The following SLC43A2 variants were observed in gnomAD, a reference collection of about 807,000 sequenced individuals.
SLC43A2 encodes the protein large neutral amino acids transporter small subunit 4.
Under a neutral mutation model 63.2 loss-of-function variants are expected in SLC43A2, and 38 were observed. The ratio of observed to expected loss-of-function variants is 0.60; its 90% CI spans 0.46 to 0.79. The LOEUF (loss-of-function observed/expected upper bound fraction) is 0.79. SLC43A2 is among the 30% of genes least tolerant of loss of function. The pLI, the probability that SLC43A2 is intolerant of heterozygous loss-of-function variation, is 0.00. For synonymous variants in SLC43A2, 322 were observed against 331.0 expected (o/e 0.97, Z 0.30); for missense variants, 644 against 756.2 (o/e 0.85, Z 1.74).
intron 5 of SLC43A2, among the ~76,000 whole-genome samples, chr17:1,607,578 G>A (rs1906731475): frequency 6.6e-6 from 1 of 152,196 alleles, no homozygotes; most frequent in South Asian, 2.1e-4. Context: ...TAGAAGGAGA[G>A]CTGGCCCATG....
At chr17:1,598,071 T>G (rs543071451) in intron 5 of SLC43A2, among the ~76,000 whole-genome samples, 1 of 152,122 alleles carries the variant, frequency 6.6e-6, no homozygotes, top group East Asian at 1.9e-4. Context: ...GTTCTGCTTA[T>G]GCGGAAGGAG....
At chr17:1,586,930 C>CAGGG in intron 9 of SLC43A2, 7 of 783,144 alleles carry the variant, frequency 8.9e-6, no homozygotes, top group Non-Finnish European at 1.4e-5. Flanking sequence ...CCTGACAATC[C>CAGGG]CCCCCACCCC....
intron 5 of SLC43A2, among the ~76,000 whole-genome samples, chr17:1,597,822 G>T (rs974300249): frequency 1.3e-5 from 2 of 152,048 alleles, no homozygotes; most frequent in African/African-American, 4.8e-5. Flanking sequence ...AAAGAAAAAA[G>T]AAAAAGAAAA....
chr17:1,583,313 C>T lies in SLC43A2; in HGVS notation c.1241G>A (p.Arg414Gln), dbSNP rs771560664. ...ANQGEKKKKK[R>Q]DRQIQKITNA... Reference sequence around the variant, plus strand: ...AGTGATCTTCTGGATCTGCCGGTCCCGCTTCTTCTTTTTCTTCTCGCCTCT... The same window carrying T: ...AGTGATCTTCTGGATCTGCCGGTCCTGCTTCTTCTTTTTCTTCTCGCCTCT... Residue 414 changes from arginine to glutamine, a missense_variant, in exon 11 of 14, where the codon CGG becomes CAG. This residue lies in a region of SLC43A2 where 528 missense variants were observed against 623.6 expected (regional missense o/e 0.85). Transcript: ENST00000301335. This position sits in a 1 kb window ranked among gnomAD's most constrained non-coding sequence, Gnocchi z 5.5. 16 of 1,614,156 alleles carry T rather than the reference C, an allele frequency of 9.9e-6. No homozygotes were observed. Among genetic ancestry groups the T allele is most frequent in the Middle Eastern group, 1.7e-4 (1 of 6,058 alleles).
intron 3 of SLC43A2, 194 bp downstream of exon 3, chr17:1,616,368 G>A (rs8065481): frequency 0.65 from 379,370 of 582,792 alleles, 127,401 homozygotes; most frequent in Admixed American, 0.72. Flanking sequence ...TTTCTTATTC[G>A]GTACTGGAGC....
rs768556199 is a variant in SLC43A2 at position 1,583,384 on chromosome 17, G to A, written c.1218-48C>T. On this transcript the variant is annotated intron_variant, in intron 10 of 13. Coordinates refer to ENST00000301335, the MANE Select transcript of SLC43A2 (RefSeq NM_152346.3). The surrounding 1 kb of genome is among the most constrained non-coding windows in gnomAD (Gnocchi z 5.5). ...GGGGTGGGAGGGCTCCCCGGAGGAA[G>A]CCGGGTGCTCCTGAGAAGTCAGGCC... The A allele has an allele frequency of 6.2e-7, 1 of 1,604,270 alleles. No homozygotes were observed. The highest frequency in any genetic ancestry group is 8.5e-7 in the Non-Finnish European group (1 of 1,172,634).
chr17:1,585,100 G>A, intron 10 of SLC43A2: 1 of 926,000 alleles, frequency 1.1e-6, no homozygotes, highest in Non-Finnish European at 1.3e-6. Context: ...GTTAATCCCA[G>A]TACTTTGGGA....
At chr17:1,626,364 A>T (rs979542170) in intron 2 of SLC43A2, among the ~76,000 whole-genome samples, 4 of 152,138 alleles carry the variant, frequency 2.6e-5, no homozygotes, top group African/African-American at 9.7e-5. Context: ...TTGTTCAGGG[A>T]ACAAGGTCTG....
intron 5 of SLC43A2, among the ~76,000 whole-genome samples, chr17:1,594,696 T>C (rs1316728537): frequency 2.7e-5 from 4 of 147,862 alleles, no homozygotes; most frequent in Admixed American, 6.8e-5. Context: ...CACGCCATTC[T>C]CCTGCCTCAG....
intron 10 of SLC43A2, chr17:1,585,275 C>T (rs986489657): frequency 5.0e-6 from 5 of 1,005,464 alleles, no homozygotes; most frequent in Non-Finnish European, 6.0e-6. Context: ...CAGTCTTGCT[C>T]TGTTGCCCAG....
At chr17:1,579,415 A>C (rs12946255) in intron 11 of SLC43A2, among the ~76,000 whole-genome samples, 62,926 of 150,406 alleles carry the variant, frequency 0.42, 13,672 homozygotes, top group African/African-American at 0.48. Flanking sequence ...GAGCCGAGAT[A>C]GCACCACTGC....
At chr17:1,586,928 T>TCCCCC in intron 9 of SLC43A2, 1 of 1,232,914 alleles carries the variant, frequency 8.1e-7, no homozygotes. Context: ...TCCCTGACAA[T>TCCCCC]CCCCCCCACC....
Position 1,615,028 on chromosome 17 carries a change from G to A in SLC43A2, c.375C>T (p.Cys125=). The A allele has an allele frequency of 3.7e-6, 6 of 1,614,024 alleles. No homozygotes were observed. The highest frequency in any genetic ancestry group is 4.2e-6 in the Non-Finnish European group (5 of 1,179,976). ...PRKLRLLGSA[C]FAVSCLLIAY... is the part of the protein sequence containing the mutation. The stretch of plus-strand genomic sequence containing the variant: ...CAATCAGCAAGCAGGAAACCGCGAA[G>A]CAGGCGCTAAAACCAAGCAGAAACG... Residue 125 remains cysteine (C), a synonymous_variant, in exon 4 of 14, where the codon TGC becomes TGT. Transcript: ENST00000301335.
Position 1,606,599 on chromosome 17 carries a change from G to A in SLC43A2, c.501+6596C>T, listed in dbSNP as rs1567637107. ...AAGCAACCCAGGCTCCGGGTTGGAG[G>A]GTGGCGACCCCAAGATGCGGCCTCA... On this transcript the variant is annotated intron_variant, in intron 5 of 13. Transcript: ENST00000301335. This position sits in a 1 kb window ranked among gnomAD's most constrained non-coding sequence, Gnocchi z 4.7. 6.6e-6 allele frequency among the ~76,000 whole-genome samples: 1 copy of A among 152,206 alleles called. No individual in the cohort carries two copies. The highest frequency in any genetic ancestry group is 1.5e-5 in the Non-Finnish European group (1 of 68,034).
At chr17:1,616,043 G>GA (rs77735350) in intron 3 of SLC43A2, among the ~76,000 whole-genome samples, 810 of 69,938 alleles carry the variant, frequency 0.012, 12 homozygotes, top group African/African-American at 0.036. Flanking sequence ...ACTCCGTCTT[G>GA]AAAAAAAAAA....
chr17:1,596,991 C>T (rs545472955), intron 5 of SLC43A2, among the ~76,000 whole-genome samples: 3 of 151,984 alleles, frequency 2.0e-5, no homozygotes, highest in South Asian at 2.1e-4. Context: ...CCGAAGCGGG[C>T]GGATCACGAG....
intron 2 of SLC43A2, among the ~76,000 whole-genome samples, chr17:1,624,959 CG>C (rs1321273523): frequency 6.6e-6 from 1 of 152,086 alleles, no homozygotes; most frequent in African/African-American, 2.4e-5. Context: ...CCTGTTGAAG[CG>C]GGGGCCACTG....
Position 1,607,835 on chromosome 17 carries a change from C to A in SLC43A2, c.501+5360G>T, listed in dbSNP as rs529087267. On this transcript the variant is annotated intron_variant, in intron 5 of 13. Coordinates refer to ENST00000301335, the MANE Select transcript of SLC43A2 (RefSeq NM_152346.3). ...GGTTCAAGCAATTCTCCTGCCTCAG[C>A]CTCCTGAGTCGTGGGGACTACAGGC... is the stretch of plus-strand genomic sequence containing the variant. 7.2e-5 allele frequency among the ~76,000 whole-genome samples: 11 copies of A among 152,240 alleles called. No individual in the cohort carries two copies. In the South Asian group the frequency reaches 1.9e-3, roughly 26 times the overall value.
rs2075876815 is a variant in SLC43A2, at chr17:1,573,488, G to C, written c.*2116C>G. On this transcript the variant is annotated 3_prime_UTR_variant, in exon 14 of 14. Coordinates refer to ENST00000301335, the MANE Select transcript of SLC43A2 (RefSeq NM_152346.3). Reference sequence around the variant, plus strand: ...CGTTGGCAAAGTGCTGTCAGTGCTGGCTGTAAGGAAACAGGCTTGACTTTT... The same window carrying C: ...CGTTGGCAAAGTGCTGTCAGTGCTGCCTGTAAGGAAACAGGCTTGACTTTT... 6.6e-6 allele frequency: 1 copy of C among 152,270 alleles called. No homozygotes were observed. Among genetic ancestry groups the C allele is most frequent in the African/African-American group, 2.4e-5 (1 of 41,464 alleles). 9.4% of individuals were successfully genotyped at this position (152,270 alleles called of 1,614,324 possible).
Sources: allele counts gnomAD v4.1 joint callset (sites outside exome capture counted in the v4.1 genomes callset), GRCh38; gene constraint gnomAD v4.1.1; regional missense constraint gnomAD v4.1.1; non-coding constraint Gnocchi (gnomAD v3.1); transcripts MANE v1.5; gene names NCBI Gene and HGNC (gene_info 2026-07-23, HGNC 2026-07-21).